SYTL3: variants seen among roughly 807,000 people sequenced by gnomAD.
The protein encoded by SYTL3 is synaptotagmin like 3.
Under a neutral mutation model 82.1 loss-of-function variants are expected in SYTL3, and 88 were observed. The ratio of observed to expected loss-of-function variants is 1.07; its 90% CI spans 0.90 to 1.28. The LOEUF is 1.28. Among genes scored for constraint, SYTL3 ranks in the 50% most tolerant of loss-of-function variants. The probability of loss-of-function intolerance (pLI) is 0.00; values close to 1 mark genes in which losing one functional copy is unlikely to be tolerated. For synonymous variants in SYTL3, 311 were observed against 289.4 expected (o/e 1.07, Z -0.76); for missense variants, 831 against 757.6 (o/e 1.10, Z -1.14).
intron 5 of SYTL3, among the ~76,000 whole-genome samples, chr6:158,671,126 A>C (rs1777335290): frequency 1.3e-5 from 2 of 152,126 alleles, no homozygotes; most frequent in South Asian, 4.1e-4. Context: ...TTTAGAAAAA[A>C]AAAGTTTCTT....
chr6:158,748,248 T>C lies in SYTL3; in HGVS notation c.1034+2590T>C, dbSNP rs900836779. ...GAGTGATGATGGGAAAAGAAATCAATTGTTGATTTAATCAAACTCTCTTCT... is the reference window on the plus strand; with the variant it reads ...GAGTGATGATGGGAAAAGAAATCAACTGTTGATTTAATCAAACTCTCTTCT... On this transcript the variant is annotated intron_variant, in intron 12 of 17. Transcript: ENST00000611299. 3.9e-5 allele frequency among the ~76,000 whole-genome samples: 6 copies of C among 152,190 alleles called. No homozygotes were observed. The South Asian group carries it at 6.2e-4, about 16-fold the overall frequency.
intron 6 of SYTL3, among the ~76,000 whole-genome samples, chr6:158,703,151 C>CT (rs1781524401): frequency 1.1e-5 from 1 of 90,140 alleles, no homozygotes; most frequent in Admixed American, 1.3e-4. Flanking sequence ...AAGACTCTGT[C>CT]TTAAAAAAAA....
intron 6 of SYTL3, among the ~76,000 whole-genome samples, chr6:158,695,852 C>T (rs532584583): frequency 1.3e-4 from 20 of 152,184 alleles, no homozygotes; most frequent in African/African-American, 4.8e-4. Context: ...GAGCATGTAT[C>T]AGAATTTCAT....
chr6:158,717,224 A>G (rs548186014), intron 9 of SYTL3, among the ~76,000 whole-genome samples: 2 of 152,324 alleles, frequency 1.3e-5, no homozygotes, highest in South Asian at 2.1e-4. Context: ...CAGTGAGCCA[A>G]GATCACATCA....
At position 158,662,293 on chromosome 6, in the gene SYTL3, A is replaced by C. The variant is rs191128864; in HGVS notation, c.-519-457A>C. On this transcript the variant is annotated intron_variant, in intron 3 of 17. Coordinates refer to ENST00000611299, the MANE Select transcript of SYTL3 (RefSeq NM_001242394.2). ...ATGTATGCAGAACCTTTCAGCTGTC[A>C]TTAAACAAAAACAAGAGCTAATGCA... Among the ~76,000 whole-genome samples, 12 of 152,356 alleles carry C rather than the reference A, an allele frequency of 7.9e-5. No homozygotes were observed. The East Asian group carries it at 2.3e-3, about 29-fold the overall frequency.
chr6:158,668,069 G>T (rs1790296005), intron 5 of SYTL3, among the ~76,000 whole-genome samples: 1 of 152,168 alleles, frequency 6.6e-6, no homozygotes. Flanking sequence ...TTACAGTTGA[G>T]AAAGTGGAGG....
chr6:158,731,909 A>G (rs771260247), intron 11 of SYTL3, among the ~76,000 whole-genome samples: 3 of 152,068 alleles, frequency 2.0e-5, no homozygotes, highest in Non-Finnish European at 2.9e-5. Flanking sequence ...ACTAAATCTA[A>G]CTCACCTCAA....
At chr6:158,691,175 T>A (rs1055920430) in intron 6 of SYTL3, among the ~76,000 whole-genome samples, 2 of 152,088 alleles carry the variant, frequency 1.3e-5, no homozygotes, top group Non-Finnish European at 2.9e-5. Flanking sequence ...GGTGAAACGC[T>A]GTCTCTAATA....
At chr6:158,732,895 T>A (rs890148320) in intron 11 of SYTL3, among the ~76,000 whole-genome samples, 4 of 151,982 alleles carry the variant, frequency 2.6e-5, no homozygotes, top group African/African-American at 9.7e-5. Context: ...AAAAAAACTC[T>A]TTCTTTTAAA....
Position 158,757,239 on chromosome 6 carries a change from C to T in SYTL3, c.1166C>T (p.Thr389Ile). 6.2e-7 allele frequency: 1 copy of T among 1,611,296 alleles called. No individual in the cohort carries two copies. Residue 389 changes from threonine to isoleucine, a missense_variant, in exon 14 of 18, where the codon ACC becomes ATC. By Grantham distance (89) the Thr-to-Ile change is moderately conservative. Transcript: ENST00000611299. ...CAGGTGGCCCCTGCCCAGCTGGTGA[C>T]CCGGCAGCTGCAGGTCTCGGTGTGG... is the stretch of plus-strand genomic sequence containing the variant. ...KYQVAPAQLV[T>I]RQLQVSVWHL...
At chr6:158,759,434 T>G (rs1789607016) in intron 14 of SYTL3, among the ~76,000 whole-genome samples, 1 of 152,194 alleles carries the variant, frequency 6.6e-6, no homozygotes, top group Non-Finnish European at 1.5e-5. Flanking sequence ...TGAGGGTAAC[T>G]GAGAGGGCTG....
At chr6:158,678,919 C>T (rs573714346) in intron 5 of SYTL3, among the ~76,000 whole-genome samples, 1 of 152,180 alleles carries the variant, frequency 6.6e-6, no homozygotes, top group South Asian at 2.1e-4. Context: ...ACTTTCATAA[C>T]CTCATTCTGA....
intron 6 of SYTL3, among the ~76,000 whole-genome samples, chr6:158,703,391 G>T (rs1166414260): frequency 6.6e-6 from 1 of 152,076 alleles, no homozygotes; most frequent in African/African-American, 2.4e-5. Context: ...GGTGGTGGGG[G>T]CCCTTGGTCC....
intron 10 of SYTL3, among the ~76,000 whole-genome samples, chr6:158,719,310 TAAGTCACC>T (rs1469651540): frequency 1.3e-5 from 2 of 152,152 alleles, no homozygotes; most frequent in East Asian, 3.9e-4. Context: ...AGGTTTAGAT[TAAGTCACC>T]TGCCAAAGGT....
At chr6:158,658,607 G>T (rs1266532672) in intron 2 of SYTL3, among the ~76,000 whole-genome samples, 1 of 152,114 alleles carries the variant, frequency 6.6e-6, no homozygotes, top group African/African-American at 2.4e-5. Context: ...CCCTTCTTTG[G>T]AGTGGACCTT....
chr6:158,707,643 G>T (rs13206612), intron 7 of SYTL3, among the ~76,000 whole-genome samples: 8 of 152,020 alleles, frequency 5.3e-5, no homozygotes, highest in Non-Finnish European at 8.8e-5. Flanking sequence ...CCTACCCAGC[G>T]CCTGGCGCGT....
intron 5 of SYTL3, among the ~76,000 whole-genome samples, chr6:158,672,553 T>TTTC (rs1231041355): frequency 2.4e-5 from 3 of 124,420 alleles, no homozygotes; most frequent in Admixed American, 8.3e-5. Context: ...GGTTTTTTTG[T>TTTC]TTCTTTTTTT....
intron 12 of SYTL3, among the ~76,000 whole-genome samples, chr6:158,749,064 A>T (rs1788022193): frequency 6.6e-6 from 1 of 151,660 alleles, no homozygotes; most frequent in African/African-American, 2.4e-5. Context: ...TCTACTAAAA[A>T]TACAGAGAAA....
intron 5 of SYTL3, 75 bp downstream of exon 5, chr6:158,665,688 AAG>A (rs1269709832): frequency 2.7e-6 from 3 of 1,129,690 alleles, no homozygotes; most frequent in African/African-American, 1.6e-5. Context: ...ACCGCTCATA[AAG>A]AGAGCACTCA....
Sources: gnomAD v4.1 joint callset for allele counts (sites outside exome capture counted in the v4.1 genomes callset) on GRCh38, gnomAD v4.1.1 for gene constraint, MANE v1.5 for transcripts, NCBI Gene and HGNC (gene_info 2026-07-23, HGNC 2026-07-21) for gene names.